TRAPPC12: variants seen among roughly 807,000 people sequenced by gnomAD.
TRAPPC12 encodes TPR repeat protein 15.
In TRAPPC12, 61 loss-of-function variants were observed where a neutral mutation model predicts 69.2. The ratio of observed to expected loss-of-function variants is 0.88; its 90% CI spans 0.72 to 1.09. TRAPPC12 has a LOEUF of 1.09. Among genes scored for constraint, TRAPPC12 ranks in the 50% least tolerant of loss-of-function variants. TRAPPC12 has a pLI of 0.00. For missense variants in TRAPPC12, 1,101 were observed against 1,016.4 expected (o/e 1.08, Z -1.13); for synonymous variants, 469 against 438.9 (o/e 1.07, Z -0.86).
chr2:3,405,725 A>ATTC lies in TRAPPC12; in HGVS notation c.1164+3834_1164+3836dup, dbSNP rs150902546. On this transcript the variant is annotated intron_variant, in intron 3 of 11. Transcript: ENST00000324266. ...GGATTTACTCAGATTTAGAAGTGCT[A>ATTC]TTCTATTATTTTTAATTTACTTATT... Among the ~76,000 whole-genome samples, 199 of 152,290 alleles carry ATTC rather than the reference A, an allele frequency of 1.3e-3. 1 individual carries two copies. Among genetic ancestry groups the ATTC allele is most frequent in the African/African-American group, 4.5e-3 (186 of 41,566 alleles).
At chr2:3,390,112 G>A (rs370016858) in intron 2 of TRAPPC12, among the ~76,000 whole-genome samples, 18 of 152,262 alleles carry the variant, frequency 1.2e-4, no homozygotes, top group South Asian at 2.1e-4. Context: ...GGGTTTATCC[G>A]GGACTTGCAG....
intron 2 of TRAPPC12, among the ~76,000 whole-genome samples, chr2:3,391,612 T>C (rs11692425): frequency 0.64 from 96,940 of 152,116 alleles, 31,420 homozygotes; most frequent in African/African-American, 0.76. Context: ...GTCTAGGCAT[T>C]CTTCTCTACC....
chr2:3,390,011 G>A (rs1039600579), intron 2 of TRAPPC12, among the ~76,000 whole-genome samples: 13 of 152,172 alleles, frequency 8.5e-5, no homozygotes, highest in African/African-American at 3.1e-4. Context: ...ACCAGTTGGG[G>A]AAGGGTAGGT....
intron 2 of TRAPPC12, among the ~76,000 whole-genome samples, chr2:3,398,203 C>A (rs1387493610): frequency 2.0e-5 from 3 of 152,162 alleles, no homozygotes; most frequent in Non-Finnish European, 4.4e-5. Flanking sequence ...TATGTGTTCT[C>A]AGTGATCTGG....
intron 1 of TRAPPC12, 143 bp from the exon 2 acceptor site, chr2:3,387,477 T>C: frequency 1.4e-6 from 1 of 708,882 alleles, no homozygotes; most frequent in South Asian, 2.1e-5. Flanking sequence ...ATTTTATGTG[T>C]ATTTTACCAT....
At chr2:3,412,654 C>T (rs867388203) in intron 3 of TRAPPC12, among the ~76,000 whole-genome samples, 1 of 152,266 alleles carries the variant, frequency 6.6e-6, no homozygotes, top group African/African-American at 2.4e-5. Flanking sequence ...GGAGCAGGGG[C>T]GTGTGAGGGC....
In TRAPPC12 at chr2:3,458,072, T is replaced by G. The variant is rs371550549; in HGVS notation, c.1603+379T>G. The G allele has an allele frequency of 1.4e-5, 7 of 486,744 alleles. No individual in the cohort carries two copies. The South Asian group carries it at 3.8e-4, about 26-fold the overall frequency. The allele number at this position is 486,744 out of a possible 1,614,324, so 30.2% of individuals were successfully genotyped here. A position where few individuals can be genotyped will look rare whatever the true frequency, so the allele number is the denominator to read the frequency against. On this transcript the variant is annotated intron_variant, in intron 7 of 11. Transcript: ENST00000324266. ...CCTCTGCGTCGGGGACAGAGGCCTC[T>G]GCGTCGGGGACAGAGGCTCGGGAGG... is the stretch of plus-strand genomic sequence containing the variant.
intron 3 of TRAPPC12, among the ~76,000 whole-genome samples, chr2:3,404,881 G>A (rs1661642433): frequency 6.8e-6 from 1 of 147,584 alleles, no homozygotes; most frequent in Non-Finnish European, 1.5e-5. Flanking sequence ...GTGGGGGGCG[G>A]TTACGGGGGA....
At chr2:3,424,101 G>A (rs1662967725) in intron 4 of TRAPPC12, among the ~76,000 whole-genome samples, 1 of 152,168 alleles carries the variant, frequency 6.6e-6, no homozygotes, top group African/African-American at 2.4e-5. Context: ...CATTCCTTTG[G>A]TGCCTTTTCA....
At chr2:3,415,777 T>C (rs1662347561) in intron 3 of TRAPPC12, among the ~76,000 whole-genome samples, 1 of 149,460 alleles carries the variant, frequency 6.7e-6, no homozygotes, top group Non-Finnish European at 1.5e-5. Context: ...AGTACAGTGG[T>C]GCGATCTCAG....
chr2:3,454,086 G>T (rs1040537695), intron 6 of TRAPPC12, among the ~76,000 whole-genome samples: 1 of 152,228 alleles, frequency 6.6e-6, no homozygotes. Flanking sequence ...GTCAACAATA[G>T]GGGCTTTCTC....
chr2:3,468,926 T>A (rs985123961), intron 9 of TRAPPC12, among the ~76,000 whole-genome samples: 8 of 152,126 alleles, frequency 5.3e-5, no homozygotes, highest in Admixed American at 2.0e-4. Flanking sequence ...CAGGACAAGA[T>A]GGGGTTGAAC....
At chr2:3,465,984 G>A (rs1291599367) in intron 9 of TRAPPC12, among the ~76,000 whole-genome samples, 2 of 152,198 alleles carry the variant, frequency 1.3e-5, no homozygotes, top group African/African-American at 4.8e-5. Flanking sequence ...AGTTACGAAA[G>A]CACTGACTAA....
At chr2:3,392,313 A>G (rs2103443146) in intron 2 of TRAPPC12, among the ~76,000 whole-genome samples, 1 of 152,196 alleles carries the variant, frequency 6.6e-6, no homozygotes, top group South Asian at 2.1e-4. Context: ...ACACAAAGGA[A>G]GGTGTAATGC....
intron 8 of TRAPPC12, among the ~76,000 whole-genome samples, chr2:3,463,465 C>A (rs918985346): frequency 1.3e-5 from 2 of 151,532 alleles, no homozygotes; most frequent in Admixed American, 6.6e-5. Context: ...TCCTCTCACA[C>A]GGCTCCCAGG....
At chr2:3,460,226 T>C (rs779548987) in intron 7 of TRAPPC12, 37 bp from the exon 8 acceptor site, 2 of 872,796 alleles carry the variant, frequency 2.3e-6, no homozygotes, top group Non-Finnish European at 4.0e-6. Context: ...GAGCCTCGAA[T>C]TTATTTGTGC....
intron 2 of TRAPPC12, among the ~76,000 whole-genome samples, chr2:3,389,995 G>T (rs1306926650): frequency 6.6e-6 from 1 of 152,246 alleles, no homozygotes; most frequent in South Asian, 2.1e-4. Flanking sequence ...CACGACAGTG[G>T]AAAAAACCAG....
intron 5 of TRAPPC12, among the ~76,000 whole-genome samples, chr2:3,440,806 T>C (rs1664158370): frequency 6.6e-6 from 1 of 152,210 alleles, no homozygotes; most frequent in African/African-American, 2.4e-5. Context: ...GTTTTGTAGA[T>C]GTCCTTTATT....
chr2:3,403,804 C>G (rs897742690), intron 3 of TRAPPC12, among the ~76,000 whole-genome samples: 11 of 152,170 alleles, frequency 7.2e-5, no homozygotes, highest in Non-Finnish European at 1.3e-4. Flanking sequence ...AGAAAATAAT[C>G]CCAGTTCCTT....
Sources: gnomAD v4.1 joint callset for allele counts (sites outside exome capture counted in the v4.1 genomes callset) on GRCh38, gnomAD v4.1.1 for gene constraint, MANE v1.5 for transcripts, NCBI Gene and HGNC (gene_info 2026-07-23, HGNC 2026-07-21) for gene names.